The following SPIN1 variants were observed in gnomAD, a reference collection of about 807,000 sequenced individuals.
The protein encoded by SPIN1 is spindlin-1.
A neutral mutation model predicts 26.0 loss-of-function variants in SPIN1; 3 were observed. The ratio of observed to expected loss-of-function variants is 0.12; its 90% confidence interval spans 0.05 to 0.30. The LOEUF (loss-of-function observed/expected upper bound fraction) is 0.30. Among genes scored for constraint, SPIN1 ranks in the 10% least tolerant of loss-of-function variants. The pLI, the probability that SPIN1 is intolerant of heterozygous loss-of-function variation, is 1.00. For synonymous variants in SPIN1, 101 were observed against 116.5 expected (o/e 0.87, Z 0.86); for missense variants, 126 against 333.4 (o/e 0.38, Z 4.84).
intron 5 of SPIN1, among the ~76,000 whole-genome samples, chr9:88,473,643 T>TGTG (rs1564047565): frequency 2.6e-3 from 312 of 119,342 alleles, no homozygotes; most frequent in African/African-American, 8.6e-3. Flanking sequence ...TTCTCCAAAC[T>TGTG]TGTGTGTGTG....
intron 2 of SPIN1, among the ~76,000 whole-genome samples, chr9:88,428,674 T>G (rs923158307): frequency 3.9e-5 from 6 of 152,230 alleles, no homozygotes; most frequent in African/African-American, 1.4e-4. Context: ...AGATTGTTAA[T>G]CCTAACAAGT....
intron 2 of SPIN1, among the ~76,000 whole-genome samples, chr9:88,426,819 T>G (rs1189236254): frequency 6.6e-6 from 1 of 152,194 alleles, no homozygotes. Flanking sequence ...GTCTAGTAAA[T>G]TTAGCAAGTG....
intron 1 of SPIN1, among the ~76,000 whole-genome samples, chr9:88,404,110 G>A (rs1210964829): frequency 1.3e-5 from 2 of 152,184 alleles, no homozygotes; most frequent in Admixed American, 1.3e-4. Context: ...TGTAAACACA[G>A]AGAAAGTACA....
At chr9:88,410,333 C>T (rs1827415227) in intron 1 of SPIN1, among the ~76,000 whole-genome samples, 2 of 152,058 alleles carry the variant, frequency 1.3e-5, no homozygotes, top group South Asian at 4.2e-4. Context: ...ACTAAAATAA[C>T]CTGTTATACA....
intron 1 of SPIN1, among the ~76,000 whole-genome samples, chr9:88,390,493 C>G (rs1231646560): frequency 6.6e-6 from 1 of 152,168 alleles, no homozygotes; most frequent in African/African-American, 2.4e-5. Context: ...TGGTTGCACT[C>G]CTTCATTGCT....
intron 1 of SPIN1, among the ~76,000 whole-genome samples, chr9:88,425,417 C>A (rs1827745246): frequency 6.6e-6 from 1 of 152,052 alleles, no homozygotes; most frequent in Non-Finnish European, 1.5e-5. Flanking sequence ...CAGTGGCTCA[C>A]GTCTGTAATC....
At chr9:88,412,034 C>G (rs1827459756) in intron 1 of SPIN1, among the ~76,000 whole-genome samples, 1 of 150,896 alleles carries the variant, frequency 6.6e-6, no homozygotes, top group African/African-American at 2.4e-5. Flanking sequence ...AAAAAAATAG[C>G]TGGGCCTTGT....
At position 88,477,205 on chromosome 9, in the gene SPIN1, A is replaced by C. The variant is rs1203890881; in HGVS notation, c.*1928A>C. The C allele has an allele frequency of 6.6e-6, 1 of 152,214 alleles. No individual in the cohort carries two copies. The highest frequency in any genetic ancestry group is 1.5e-5 in the Non-Finnish European group (1 of 68,054). The allele number at this position is 152,214 out of a possible 1,614,324, so 9.4% of individuals were successfully genotyped here. The stretch of plus-strand genomic sequence containing the variant: ...AAGAGTCCCTGCATGTAAATCTCAA[A>C]GCTGAGCCTGGCTCCCAGAGTCCAG... On this transcript the variant is annotated 3_prime_UTR_variant, in exon 6 of 6. Transcript: ENST00000375859.
At position 88,426,527 on chromosome 9, in the gene SPIN1, T is replaced by G. The variant is rs773407208; in HGVS notation, c.-13T>G. On this transcript the variant is annotated 5_prime_UTR_variant, in exon 2 of 6. Transcript: ENST00000375859. ...TAGTCCAGCAGCTCCGCTGCTCACT[T>G]AAATACAGATGAATGAAGACCCCAT... 12 of 1,612,884 alleles carry G rather than the reference T, an allele frequency of 7.4e-6. No individual in the cohort carries two copies. Among genetic ancestry groups the G allele is most frequent in the Non-Finnish European group, 1.0e-5 (12 of 1,179,184 alleles).
intron 3 of SPIN1, among the ~76,000 whole-genome samples, chr9:88,449,602 CAT>C (rs1479720900): frequency 6.6e-6 from 1 of 151,932 alleles, no homozygotes; most frequent in African/African-American, 2.4e-5. Context: ...TTGTGTGTGA[CAT>C]AGTTACATCC....
intron 2 of SPIN1, among the ~76,000 whole-genome samples, chr9:88,445,518 TTTATTATTATTATTA>T (rs138265190): frequency 8.2e-4 from 110 of 134,602 alleles, no homozygotes; most frequent in African/African-American, 2.2e-3. Flanking sequence ...TATTGAGACT[TTTATTATTATTATTA>T]TTATTATTAT....
At chr9:88,395,328 G>A (rs1204076011) in intron 1 of SPIN1, among the ~76,000 whole-genome samples, 8 of 151,442 alleles carry the variant, frequency 5.3e-5, no homozygotes, top group African/African-American at 1.9e-4. Flanking sequence ...TACACAATAG[G>A]CAGCGTTCTA....
intron 3 of SPIN1, among the ~76,000 whole-genome samples, chr9:88,457,333 A>T (rs1828491095): frequency 6.6e-6 from 1 of 152,156 alleles, no homozygotes; most frequent in South Asian, 2.1e-4. Flanking sequence ...AGTTTGAGCC[A>T]GCCTGACCAA....
chr9:88,448,565 T>G (rs1828297973), intron 2 of SPIN1, among the ~76,000 whole-genome samples: 1 of 152,056 alleles, frequency 6.6e-6, no homozygotes, highest in Non-Finnish European at 1.5e-5. Context: ...CCCAGGCTGG[T>G]CTCGAACTCC....
intron 2 of SPIN1, among the ~76,000 whole-genome samples, chr9:88,448,241 A>G (rs1441285919): frequency 6.6e-6 from 1 of 152,052 alleles, no homozygotes; most frequent in African/African-American, 2.4e-5. Flanking sequence ...ACAGGGTTTC[A>G]CCATCTTGGC....
At chr9:88,420,496 T>G (rs955666253) in intron 1 of SPIN1, among the ~76,000 whole-genome samples, 27 of 152,226 alleles carry the variant, frequency 1.8e-4, no homozygotes, top group African/African-American at 6.0e-4. Context: ...GCTGAAAAGT[T>G]TAAGGTCTTG....
intron 4 of SPIN1, among the ~76,000 whole-genome samples, chr9:88,463,212 A>C (rs1828605179): frequency 6.6e-6 from 1 of 152,184 alleles, no homozygotes; most frequent in South Asian, 2.1e-4. Flanking sequence ...GGTCTTTATT[A>C]TACACAGAGC....
intron 2 of SPIN1, among the ~76,000 whole-genome samples, chr9:88,442,021 G>A (rs1481262552): frequency 2.7e-5 from 4 of 147,720 alleles, no homozygotes; most frequent in African/African-American, 5.1e-5. Context: ...ATGTGATGTC[G>A]GCTCACTGCA....
intron 2 of SPIN1, 96 bp from the exon 3 acceptor site, chr9:88,448,845 A>G (rs1828305129): frequency 9.0e-7 from 1 of 1,109,982 alleles, no homozygotes. Context: ...TTCTTTTCAT[A>G]TTCTGTATAG....
Sources: gnomAD v4.1 joint callset for allele counts (sites outside exome capture counted in the v4.1 genomes callset) on GRCh38, gnomAD v4.1.1 for gene constraint, MANE v1.5 for transcripts, NCBI Gene and HGNC (gene_info 2026-07-23, HGNC 2026-07-21) for gene names.